Variants in ABCG1 observed in about 807,000 individuals in gnomAD.
ABCG1 encodes the protein ATP binding cassette subfamily G member 1.
Under a neutral mutation model 69.2 loss-of-function variants are expected in ABCG1, and 29 were observed. That is an observed-to-expected ratio of 0.42 (90% confidence interval 0.31 to 0.57). ABCG1 has a LOEUF of 0.57. Ranked by LOEUF, ABCG1 falls within the 20% of genes least tolerant of loss-of-function variation. The probability of loss-of-function intolerance (pLI) is 0.15; values close to 1 mark genes in which losing one functional copy is unlikely to be tolerated. For missense variants in ABCG1, 718 were observed against 898.1 expected (o/e 0.80, Z 2.56); for synonymous variants, 370 against 374.8 (o/e 0.99, Z 0.15).
intron 6 of ABCG1, among the ~76,000 whole-genome samples, chr21:42,283,843 C>CA (rs564266117): frequency 5.6e-4 from 34 of 60,668 alleles, no homozygotes; most frequent in African/African-American, 8.2e-4. Context: ...AAAGTCCCCC[C>CA]GCCCAGATGA....
Position 42,256,038 on chromosome 21 carries a change from G to A in ABCG1, c.287-15032G>A, listed in dbSNP as rs1315119241. Reference sequence around the variant, plus strand: ...AGAGCAGTAGCAGCCATTAGGGGGAGCCACTGGGAGTCAGGTGCCTTGACT... The same window carrying A: ...AGAGCAGTAGCAGCCATTAGGGGGAACCACTGGGAGTCAGGTGCCTTGACT... On this transcript the variant is annotated intron_variant, in intron 2 of 14. Transcript: ENST00000398449. 13 of 731,786 alleles carry A rather than the reference G, an allele frequency of 1.8e-5. No homozygotes were observed. In the Admixed American group the frequency reaches 5.1e-4, roughly 29 times the overall value. 45.3% of individuals were successfully genotyped at this position (731,786 alleles called of 1,614,324 possible). A position where few individuals can be genotyped will look rare whatever the true frequency, so the allele number is the denominator to read the frequency against.
chr21:42,219,867 G>A lies in ABCG1; in HGVS notation c.42+563G>A. 6.5e-7 allele frequency: 1 copy of A among 1,535,108 alleles called. No homozygotes were observed. Among genetic ancestry groups the A allele is most frequent in the Non-Finnish European group, 8.8e-7 (1 of 1,141,756 alleles). On this transcript the variant is annotated intron_variant, in intron 1 of 14. Coordinates refer to ENST00000398449, the MANE Select transcript of ABCG1 (RefSeq NM_016818.3). This position sits in a 1 kb window ranked among gnomAD's most constrained non-coding sequence, Gnocchi z 5.3. ...GGACACCCTCTCCCGGACCCACTCGGGGAGGCGGCGGCGAAGGCCCGGGGA... is the reference window on the plus strand; with the variant it reads ...GGACACCCTCTCCCGGACCCACTCGAGGAGGCGGCGGCGAAGGCCCGGGGA...
At chr21:42,264,364 T>C (rs780369583) in intron 2 of ABCG1, among the ~76,000 whole-genome samples, 17 of 152,248 alleles carry the variant, frequency 1.1e-4, no homozygotes, top group Non-Finnish European at 2.2e-4. Context: ...TAAACATCTG[T>C]TCATCCATCC....
At chr21:42,284,196 A>G (rs570141434) in intron 6 of ABCG1, among the ~76,000 whole-genome samples, 3,359 of 76,774 alleles carry the variant, frequency 0.044, 159 homozygotes, top group Admixed American at 0.093. Context: ...GGACAGTTGC[A>G]AAGTCCCCCC....
intron 2 of ABCG1, among the ~76,000 whole-genome samples, chr21:42,265,175 C>T (rs1298233164): frequency 6.6e-6 from 1 of 152,224 alleles, no homozygotes; most frequent in Non-Finnish European, 1.5e-5. Flanking sequence ...CTCAGGCCCT[C>T]ACGTCCCTCA....
rs140409036 is a variant in ABCG1 at position 42,287,355 on chromosome 21, A to G, written c.974-534A>G. Among the ~76,000 whole-genome samples, 1,360 of 152,148 alleles carry G rather than the reference A, an allele frequency of 8.9e-3. 22 individuals are homozygous for G. The highest frequency in any genetic ancestry group is 0.031 in the African/African-American group (1,281 of 41,488). On this transcript the variant is annotated intron_variant, in intron 8 of 14. Coordinates refer to ENST00000398449, the MANE Select transcript of ABCG1 (RefSeq NM_016818.3). This position sits in a 1 kb window ranked among gnomAD's most constrained non-coding sequence, Gnocchi z 6.2. ...GCAGCGGGCAGGGCCGGTGCAGGAG[A>G]CGCTCACTGGGATCTGAGAGGTGCA...
At chr21:42,200,960 G>A (rs917305695) in intron 1 of ABCG1, among the ~76,000 whole-genome samples, 9 of 152,032 alleles carry the variant, frequency 5.9e-5, no homozygotes, top group African/African-American at 2.2e-4. Context: ...CGAGGTACAT[G>A]TGCAGGATGT....
At chr21:42,269,331 A>G (rs138710820) in intron 2 of ABCG1, among the ~76,000 whole-genome samples, 1 of 152,274 alleles carries the variant, frequency 6.6e-6, no homozygotes, top group Non-Finnish European at 1.5e-5. Context: ...GGAAGTGTCT[A>G]TGTGGTCCCC....
chr21:42,248,166 C>T, intron 2 of ABCG1, among the ~76,000 whole-genome samples: 1 of 152,196 alleles, frequency 6.6e-6, no homozygotes, highest in Non-Finnish European at 1.5e-5. Context: ...ATTTGTTAAA[C>T]CTGTTCAAGC....
chr21:42,241,995 A>AAAG (rs888205318), intron 2 of ABCG1, among the ~76,000 whole-genome samples: 3 of 151,676 alleles, frequency 2.0e-5, no homozygotes, highest in African/African-American at 4.8e-5. Flanking sequence ...AAAAAAAAAA[A>AAAG]AGAACTCCCC....
In ABCG1 at chr21:42,271,086, G is replaced by T; in HGVS notation, c.303G>T (p.Leu101=). The stretch of plus-strand genomic sequence containing the variant: ...TTTTTGCAGGATACAAGACCCTCCT[G>T]AAAGGAATTTCCGGGAAGTTCAATA... ...WWRKKGYKTL[L]KGISGKFNSG... The change falls in exon 3 of 15, where the codon CTG becomes CTT. Residue 101 remains leucine (L), a synonymous_variant. Transcript: ENST00000398449. 6.4e-7 allele frequency: 1 copy of T among 1,554,418 alleles called. No homozygotes were observed. Among genetic ancestry groups the T allele is most frequent in the South Asian group, 1.2e-5 (1 of 81,682 alleles).
chr21:42,249,274 T>G (rs1322220040), intron 2 of ABCG1, among the ~76,000 whole-genome samples: 15 of 152,156 alleles, frequency 9.9e-5, no homozygotes, highest in Admixed American at 9.8e-4. Context: ...GGCTGGCTCG[T>G]GGGCACATTT....
intron 2 of ABCG1, among the ~76,000 whole-genome samples, chr21:42,202,301 A>T (rs1324524591): frequency 6.6e-6 from 1 of 152,212 alleles, no homozygotes; most frequent in African/African-American, 2.4e-5. Context: ...GAAAACCTGA[A>T]TATTGAAATA....
chr21:42,232,217 C>T (rs188561476), intron 2 of ABCG1, among the ~76,000 whole-genome samples: 7 of 152,332 alleles, frequency 4.6e-5, no homozygotes, highest in South Asian at 4.1e-4. Context: ...AATGTTTAGC[C>T]GCCATGTGCA....
intron 2 of ABCG1, among the ~76,000 whole-genome samples, chr21:42,241,551 G>A (rs2068051131): frequency 6.6e-6 from 1 of 151,492 alleles, no homozygotes; most frequent in South Asian, 2.1e-4. Context: ...GTTGCAGTGA[G>A]CTGAGATCGC....
chr21:42,294,272 T>C (rs921408468), intron 13 of ABCG1, among the ~76,000 whole-genome samples: 2 of 152,150 alleles, frequency 1.3e-5, no homozygotes, highest in African/African-American at 4.8e-5. Context: ...CCCACCTCTC[T>C]GGCCTGGGGA....
chr21:42,261,382 C>T (rs757949821), intron 2 of ABCG1, among the ~76,000 whole-genome samples: 2 of 152,166 alleles, frequency 1.3e-5, no homozygotes, highest in Non-Finnish European at 2.9e-5. Context: ...ACGGGAGCGG[C>T]CGGTGGGAAC....
At chr21:42,294,456 G>T in intron 13 of ABCG1, 86 bp from the exon 14 acceptor site, 1 of 1,057,676 alleles carries the variant, frequency 9.5e-7, no homozygotes, top group South Asian at 1.3e-5. Flanking sequence ...GGCCCTGCCC[G>T]GGGGAAGCTG....
At chr21:42,294,441 G>T in intron 13 of ABCG1, 101 bp from the exon 14 acceptor site, 1 of 870,148 alleles carries the variant, frequency 1.1e-6, no homozygotes, top group South Asian at 1.4e-5. Flanking sequence ...CCCAGAAGGT[G>T]CCCTGGCCCT....
Sources: gnomAD v4.1 joint callset for allele counts (sites outside exome capture counted in the v4.1 genomes callset) on GRCh38, gnomAD v4.1.1 for gene constraint, Gnocchi (gnomAD v3.1) non-coding constraint, MANE v1.5 for transcripts, NCBI Gene and HGNC (gene_info 2026-07-23, HGNC 2026-07-21) for gene names.